Variants in SHC4 observed in about 807,000 individuals in gnomAD.
The protein encoded by SHC4 is SHC adaptor protein 4.
SHC4 carries 41 observed loss-of-function variants against 69.4 expected under a neutral mutation model. The ratio of observed to expected loss-of-function variants is 0.59; its 90% CI spans 0.46 to 0.77. The LOEUF is 0.77. SHC4 is among the 30% of genes least tolerant of loss of function. The pLI is 0.00. For synonymous variants in SHC4, 318 were observed against 299.3 expected, an observed-to-expected ratio of 1.06 and a Z score of -0.64; for missense variants, 777 against 783.8, an observed-to-expected ratio of 0.99 and a Z score of 0.10.
intron 10 of SHC4, among the ~76,000 whole-genome samples, chr15:48,839,663 G>A (rs1898957713): frequency 6.6e-6 from 1 of 152,182 alleles, no homozygotes; most frequent in African/African-American, 2.4e-5. Context: ...AGTTTCTACT[G>A]CAATTACCTT....
At chr15:48,844,846 C>A (rs1023729416) in intron 9 of SHC4, among the ~76,000 whole-genome samples, 1 of 152,144 alleles carries the variant, frequency 6.6e-6, no homozygotes, top group Non-Finnish European at 1.5e-5. Context: ...TTTGCTTCTC[C>A]TTTGCCTTCT....
Position 48,857,808 on chromosome 15 carries a change from G to A in SHC4, c.954C>T (p.His318=). 2 of 1,535,678 alleles carry A rather than the reference G, an allele frequency of 1.3e-6. No homozygotes were observed. The highest frequency in any genetic ancestry group is 1.8e-6 in the Non-Finnish European group (2 of 1,141,306). The change falls in exon 7 of 12, where the codon CAC becomes CAT. Residue 318 remains histidine (H), a synonymous_variant. Transcript: ENST00000332408. The part of the protein sequence containing the change: ...AKDPVNQRAC[H]ILECHNGMAQ... ...CCATTCCATTGTGGCATTCCAATAT[G>A]TGACAGGCTGCAAGAGGACATACAA...
intron 10 of SHC4, among the ~76,000 whole-genome samples, chr15:48,840,741 T>C (rs529578924): frequency 6.6e-6 from 1 of 152,280 alleles, no homozygotes; most frequent in African/African-American, 2.4e-5. Context: ...CAACATAATT[T>C]AAGGTTTTGG....
intron 2 of SHC4, among the ~76,000 whole-genome samples, chr15:48,892,862 T>TAA (rs1900160044): frequency 1.3e-5 from 1 of 77,668 alleles, no homozygotes; most frequent in African/African-American, 5.8e-5. Context: ...AAACTCCGTC[T>TAA]CAAAAAAAAA....
chr15:48,832,454 T>C (rs1389541268), intron 11 of SHC4, among the ~76,000 whole-genome samples: 1 of 152,194 alleles, frequency 6.6e-6, no homozygotes, highest in Admixed American at 6.5e-5. Flanking sequence ...CTTCTCTTGC[T>C]GCTTTCAAAA....
At chr15:48,869,867 G>C (rs1045006167) in intron 5 of SHC4, among the ~76,000 whole-genome samples, 1 of 152,198 alleles carries the variant, frequency 6.6e-6, no homozygotes, top group Non-Finnish European at 1.5e-5. Flanking sequence ...AGAGAGCACA[G>C]AGGTGCTCTC....
At chr15:48,884,917 T>C (rs1313490216) in intron 3 of SHC4, among the ~76,000 whole-genome samples, 1 of 152,200 alleles carries the variant, frequency 6.6e-6, no homozygotes, top group Non-Finnish European at 1.5e-5. Flanking sequence ...GGGCACCCTT[T>C]TAGGTTAAAC....
At chr15:48,897,622 C>T (rs1051917323) in intron 2 of SHC4, among the ~76,000 whole-genome samples, 15 of 149,648 alleles carry the variant, frequency 1.0e-4, no homozygotes, top group African/African-American at 3.7e-4. Context: ...GGCTGCGCGG[C>T]AGATTTTTTC....
intron 6 of SHC4, among the ~76,000 whole-genome samples, chr15:48,866,005 TAC>T: frequency 6.6e-6 from 1 of 152,380 alleles, no homozygotes; most frequent in South Asian, 2.1e-4. Context: ...CACCATCATT[TAC>T]TTAAGAGCAA....
At chr15:48,867,554 C>T (rs560093378) in intron 6 of SHC4, among the ~76,000 whole-genome samples, 2 of 152,352 alleles carry the variant, frequency 1.3e-5, no homozygotes, top group South Asian at 4.1e-4. Context: ...CCCCCTCTAT[C>T]ATAACCATAA....
chr15:48,842,229 G>A (rs1370969630), intron 10 of SHC4, among the ~76,000 whole-genome samples: 1 of 152,128 alleles, frequency 6.6e-6, no homozygotes, highest in Non-Finnish European at 1.5e-5. Flanking sequence ...TTTACCCACA[G>A]TACATGGGTG....
intron 5 of SHC4, among the ~76,000 whole-genome samples, chr15:48,871,109 A>G (rs1343897434): frequency 6.6e-6 from 1 of 152,244 alleles, no homozygotes; most frequent in Non-Finnish European, 1.5e-5. Context: ...GGTGGATAGA[A>G]AACAATCAAT....
At chr15:48,895,107 C>G (rs1029667886) in intron 2 of SHC4, among the ~76,000 whole-genome samples, 2 of 151,978 alleles carry the variant, frequency 1.3e-5, no homozygotes, top group African/African-American at 4.8e-5. Flanking sequence ...TCCTGGCCAG[C>G]CCCTATTTAC....
At chr15:48,949,963 A>T (rs1157064129) in intron 1 of SHC4, among the ~76,000 whole-genome samples, 1 of 143,160 alleles carries the variant, frequency 7.0e-6, no homozygotes, top group South Asian at 2.1e-4. Flanking sequence ...TAATTTTAAC[A>T]TATGAAATAT....
chr15:48,913,699 G>A (rs1900555198), intron 2 of SHC4, among the ~76,000 whole-genome samples: 1 of 152,082 alleles, frequency 6.6e-6, no homozygotes, highest in Admixed American at 6.5e-5. Context: ...CTGCTCCTCT[G>A]GTCACCCTCC....
intron 2 of SHC4, among the ~76,000 whole-genome samples, chr15:48,918,964 A>G (rs1361029523): frequency 6.6e-6 from 1 of 152,110 alleles, no homozygotes; most frequent in African/African-American, 2.4e-5. Context: ...AAGTAGCTGC[A>G]AGTCACAGCA....
At position 48,874,545 on chromosome 15, in the gene SHC4, A is replaced by G. The variant is rs191517555; in HGVS notation, c.841-2403T>C. Among the ~76,000 whole-genome samples the G allele has an allele frequency of 2.0e-3, 300 of 152,284 alleles. 1 individual carries two copies. Among genetic ancestry groups the G allele is most frequent in the African/African-American group, 7.0e-3 (292 of 41,560 alleles). ...ACATTAGATTCTCATAGGAGAATGA[A>G]CCCTATTGTGAACTACACATACGAG... On this transcript the variant is annotated intron_variant, in intron 4 of 11. Transcript: ENST00000332408.
chr15:48,856,188 G>A, intron 7 of SHC4, 64 bp from the exon 8 acceptor site: 1 of 1,490,388 alleles, frequency 6.7e-7, no homozygotes, highest in Non-Finnish European at 9.2e-7. Flanking sequence ...AGGGATGCAA[G>A]GGGATCAGAA....
rs562840966 is a variant in SHC4, at chr15:48,957,868, C to T, written c.585+4563G>A. Among the ~76,000 whole-genome samples the T allele has an allele frequency of 3.3e-5, 5 of 152,270 alleles. No individual in the cohort carries two copies. The East Asian group carries it at 5.8e-4, about 18-fold the overall frequency. On this transcript the variant is annotated intron_variant, in intron 1 of 11. Transcript: ENST00000332408. ...AAAAAGAGGGAAATTTGGCCATGGA[C>T]ACACAGAGAGAATGCATGTGAAGAC...
Sources: gnomAD v4.1 joint callset for allele counts (sites outside exome capture counted in the v4.1 genomes callset) on GRCh38, gnomAD v4.1.1 for gene constraint, MANE v1.5 for transcripts, NCBI Gene and HGNC (gene_info 2026-07-23, HGNC 2026-07-21) for gene names.